The following ESRP1 variants were observed in gnomAD, a reference collection of about 807,000 sequenced individuals.
ESRP1 encodes the protein RNA-binding motif protein 35A.
Under a neutral mutation model 81.7 loss-of-function variants are expected in ESRP1, and 33 were observed. That is an observed-to-expected ratio of 0.40 (90% CI 0.31 to 0.54). The LOEUF (loss-of-function observed/expected upper bound fraction) is 0.54. Ranked by LOEUF, ESRP1 falls within the 20% of genes least tolerant of loss-of-function variation. The pLI is 0.41. For synonymous variants in ESRP1, 320 were observed against 303.3 expected (o/e 1.06, Z -0.57); for missense variants, 672 against 833.1 (o/e 0.81, Z 2.38).
chr8:94,706,146 T>C lies in ESRP1; in HGVS notation c.*257T>C. 1.9e-6 allele frequency: 1 copy of C among 539,984 alleles called. No homozygotes were observed. 33.4% of individuals were successfully genotyped at this position (539,984 alleles called of 1,614,324 possible). ...TGCAGCATACCTGGCTCTTTGCTGA[T>C]TGCAAATAGGCATTTAAAATGTGAA... is the stretch of plus-strand genomic sequence containing the variant. On this transcript the variant is annotated 3_prime_UTR_variant, in exon 16 of 16. Transcript: ENST00000433389.
At chr8:94,687,164 C>A (rs1243537694) in intron 13 of ESRP1, among the ~76,000 whole-genome samples, 2 of 152,200 alleles carry the variant, frequency 1.3e-5, no homozygotes, top group Non-Finnish European at 2.9e-5. Context: ...TATCTCTTCA[C>A]TGACCCCTCT....
intron 13 of ESRP1, among the ~76,000 whole-genome samples, chr8:94,691,185 T>G (rs1358086322): frequency 6.6e-6 from 1 of 152,186 alleles, no homozygotes; most frequent in Non-Finnish European, 1.5e-5. Flanking sequence ...TAAAATATAT[T>G]TATATCAATG....
In ESRP1 at chr8:94,700,953, A is replaced by ATGTG. The variant is rs371493650; in HGVS notation, c.*35+4020_*35+4023dup. On this transcript the variant is annotated intron_variant, in intron 15 of 15. Coordinates refer to ENST00000433389, the MANE Select transcript of ESRP1 (RefSeq NM_017697.4). ...CAAAAAAAAATGTGTGTGTGTGTGT[A>ATGTG]TGTGTGTGTGTGTGTGTGTGTGTGT... Among the ~76,000 whole-genome samples, 188 of 137,394 alleles carry ATGTG rather than the reference A, an allele frequency of 1.4e-3. 1 individual carries two copies. The highest frequency in any genetic ancestry group is 4.7e-3 in the South Asian group (19 of 4,020). 90.1% of individuals were successfully genotyped at this position (137,394 alleles called of 152,430 possible).
At chr8:94,676,825 C>T (rs544052794) in intron 12 of ESRP1, among the ~76,000 whole-genome samples, 13 of 151,560 alleles carry the variant, frequency 8.6e-5, no homozygotes, top group Non-Finnish European at 1.8e-4. Context: ...TGGTGTGAGG[C>T]ACTGTCCTGT....
At chr8:94,703,894 T>A (rs2722876) in intron 15 of ESRP1, among the ~76,000 whole-genome samples, 90,005 of 152,002 alleles carry the variant, frequency 0.59, 26,799 homozygotes, top group Non-Finnish European at 0.62. Context: ...TCAATTCAGG[T>A]GCTACTGCCA....
chr8:94,700,936 A>T (rs1809800488), intron 15 of ESRP1, among the ~76,000 whole-genome samples: 1 of 128,162 alleles, frequency 7.8e-6, no homozygotes, highest in Non-Finnish European at 1.6e-5. Flanking sequence ...CTCAAAAAAA[A>T]ATGTGTGTGT....
In ESRP1 at chr8:94,678,269, A is replaced by G; in HGVS notation, c.1718A>G (p.Tyr573Cys). Residue 573 changes from tyrosine (Y) to cysteine (C), a missense_variant, in exon 13 of 16, where the codon TAC (tyrosine) becomes TGC (cysteine). Physicochemically the swap from Tyr to Cys is radical, Grantham distance 194. Transcript: ENST00000433389. ...AAVIPTEAAI[Y>C]QPSVILNPRA... ...GTTATTCCTACAGAAGCTGCCATTT[A>G]CCAGCCCTCTGTGATTTTGAATCCA... The G allele has an allele frequency of 6.2e-7, 1 of 1,613,954 alleles. No individual in the cohort carries two copies. The highest frequency in any genetic ancestry group is 1.1e-5 in the South Asian group (1 of 91,074).
chr8:94,665,233 A>C, intron 9 of ESRP1, 37 bp downstream of exon 9: 1 of 1,595,316 alleles, frequency 6.3e-7, no homozygotes. Flanking sequence ...TTAGTTAATA[A>C]GAATCTAAAA....
At chr8:94,700,796 G>A (rs184673452) in intron 15 of ESRP1, among the ~76,000 whole-genome samples, 3,066 of 152,106 alleles carry the variant, frequency 0.02, 92 homozygotes, top group African/African-American at 0.069. Flanking sequence ...GGGTGTGGTG[G>A]TGGGCGCCTG....
intron 12 of ESRP1, 125 bp from the exon 13 acceptor site, chr8:94,678,078 G>A (rs1182377987): frequency 4.1e-6 from 4 of 984,382 alleles, no homozygotes; most frequent in South Asian, 1.7e-5. Flanking sequence ...GCTTGGGATA[G>A]GATAAAGAAC....
chr8:94,661,133 C>T (rs1195881156), intron 4 of ESRP1, among the ~76,000 whole-genome samples: 2 of 152,100 alleles, frequency 1.3e-5, no homozygotes, highest in Admixed American at 6.6e-5. Flanking sequence ...CTCCACCTCC[C>T]GGGTTCAAGC....
At chr8:94,650,858 C>T (rs1422081859) in intron 4 of ESRP1, among the ~76,000 whole-genome samples, 1 of 152,066 alleles carries the variant, frequency 6.6e-6, no homozygotes, top group Non-Finnish European at 1.5e-5. Context: ...ACTACAGGCG[C>T]CCGCCCATGG....
At position 94,641,223 on chromosome 8, in the gene ESRP1, C is replaced by G; in HGVS notation, c.-96C>G. ...AGGGGGGTGGGCGCTCTTTCTTTTT[C>G]TCTTAGAAGAGGGTTTAGCACAGGT... On this transcript the variant is annotated 5_prime_UTR_variant, in exon 1 of 16. Transcript: ENST00000433389. The G allele has an allele frequency of 8.1e-7, 1 of 1,238,556 alleles. No homozygotes were observed. 76.7% of individuals were successfully genotyped at this position (1,238,556 alleles called of 1,614,324 possible).
Position 94,642,054 on chromosome 8 carries a change from G to A in ESRP1, c.231G>A (p.Ser77=), listed in dbSNP as rs1817628779. Residue 77 remains serine, a synonymous_variant, in exon 2 of 16, where the codon TCG becomes TCA. Coordinates refer to ENST00000433389, the MANE Select transcript of ESRP1 (RefSeq NM_017697.4). ...AAATAGACGTCGAAAGCCTGTCCTCGGCGTCGCAGCTGGACCAAGCCCTCC... is the reference window on the plus strand; with the variant it reads ...AAATAGACGTCGAAAGCCTGTCCTCAGCGTCGCAGCTGGACCAAGCCCTCC... ...ETKIDVESLS[S]ASQLDQALRQ... 6.2e-7 allele frequency: 1 copy of A among 1,613,230 alleles called. No individual in the cohort carries two copies.
chr8:94,668,459 A>T (rs2130629055), intron 10 of ESRP1: 1 of 413,266 alleles, frequency 2.4e-6, no homozygotes, highest in East Asian at 3.8e-5. Context: ...TTTTACAGAA[A>T]TGGGATACTG....
At chr8:94,642,140 C>A in intron 2 of ESRP1, 56 bp downstream of exon 2, 1 of 1,578,832 alleles carries the variant, frequency 6.3e-7, no homozygotes, top group South Asian at 1.1e-5. Context: ...CCACCGCACC[C>A]TACGCCCTCT....
chr8:94,661,556 T>TAA (rs1818748067), intron 4 of ESRP1, among the ~76,000 whole-genome samples: 1 of 152,206 alleles, frequency 6.6e-6, no homozygotes, highest in South Asian at 2.1e-4. Flanking sequence ...AATACATCCT[T>TAA]ATTTTAGAGA....
chr8:94,642,530 G>T (rs1222177421), intron 2 of ESRP1, among the ~76,000 whole-genome samples: 2 of 152,202 alleles, frequency 1.3e-5, no homozygotes, highest in African/African-American at 4.8e-5. Flanking sequence ...AGCACTGTGG[G>T]TTGGAACCTG....
chr8:94,668,789 A>ATGTG (rs71303426), intron 10 of ESRP1, among the ~76,000 whole-genome samples: 3,084 of 143,872 alleles, frequency 0.021, 109 homozygotes, highest in African/African-American at 0.077. Flanking sequence ...AGCTTTCAGC[A>ATGTG]TGTGTGTGTG....
Sources: allele counts gnomAD v4.1 joint callset (sites outside exome capture counted in the v4.1 genomes callset), GRCh38; gene constraint gnomAD v4.1.1; transcripts MANE v1.5; gene names NCBI Gene and HGNC (gene_info 2026-07-23, HGNC 2026-07-21).